Variants in DCX observed in about 807,000 individuals in gnomAD.
The protein encoded by DCX is neuronal migration protein doublecortin.
DCX carries 4 observed loss-of-function variants against 20.9 expected under a neutral mutation model. That is an observed-to-expected ratio of 0.19 (90% CI 0.09 to 0.44). The LOEUF is 0.44. DCX is among the 20% of genes least tolerant of loss of function. The probability of loss-of-function intolerance (pLI) is 0.99; values close to 1 mark genes in which losing one functional copy is unlikely to be tolerated. For missense variants in DCX, 133 were observed against 296.9 expected (o/e 0.45, Z 4.06); for synonymous variants, 103 against 111.4 (o/e 0.92, Z 0.47).
intron 3 of DCX, among the ~76,000 whole-genome samples, chrX:111,354,602 C>T (rs778043900): frequency 7.9e-4 from 88 of 112,009 alleles, no homozygotes; most frequent in African/African-American, 2.7e-3. Flanking sequence ...CATCCCACCT[C>T]CCACACAGAA....
chrX:111,358,354 G>C (rs927863252), intron 3 of DCX, among the ~76,000 whole-genome samples: 16 of 111,655 alleles, frequency 1.4e-4, no homozygotes, highest in Admixed American at 1.0e-3. Flanking sequence ...AGTTTATATA[G>C]GGAAAGATGA....
At chrX:111,405,006 C>T (rs902109851) in intron 2 of DCX, among the ~76,000 whole-genome samples, 6 of 112,074 alleles carry the variant, frequency 5.4e-5, no homozygotes, top group African/African-American at 1.9e-4. Context: ...GGCTTCACAG[C>T]CAAGCAGGGT....
At chrX:111,397,304 T>C (rs1471953555) in intron 3 of DCX, among the ~76,000 whole-genome samples, 2 of 111,600 alleles carry the variant, frequency 1.8e-5, no homozygotes, top group Non-Finnish European at 3.8e-5. Flanking sequence ...TAACAAATAG[T>C]CTTGACCATA....
intron 3 of DCX, among the ~76,000 whole-genome samples, chrX:111,391,090 C>T (rs1256722668): frequency 2.7e-5 from 3 of 111,270 alleles, no homozygotes; most frequent in Non-Finnish European, 5.7e-5. Flanking sequence ...TGTGCCCCCA[C>T]CCAAATTTCA....
chrX:111,320,141 G>C (rs1422480416), intron 5 of DCX, among the ~76,000 whole-genome samples: 1 of 112,187 alleles, frequency 8.9e-6, no homozygotes, highest in Admixed American at 9.5e-5. Flanking sequence ...AAATCCAAAA[G>C]TGGACATAGA....
chrX:111,308,069 A>C (rs1240333641), intron 6 of DCX, among the ~76,000 whole-genome samples: 1 of 112,206 alleles, frequency 8.9e-6, no homozygotes. Flanking sequence ...ATTTTCCTGT[A>C]TGGGTAGAAC....
chrX:111,357,682 T>C (rs892356056), intron 3 of DCX, among the ~76,000 whole-genome samples: 1 of 109,445 alleles, frequency 9.1e-6, no homozygotes, highest in Non-Finnish European at 1.9e-5. Context: ...CTCAGGTGGC[T>C]GAGGTGGGAG....
At chrX:111,377,373 A>G (rs1419882098) in intron 3 of DCX, among the ~76,000 whole-genome samples, 2 of 111,773 alleles carry the variant, frequency 1.8e-5, no homozygotes, top group East Asian at 5.7e-4. Context: ...ATTGTTACCT[A>G]GCAACCAGGC....
At chrX:111,344,196 T>C (rs1370490577) in intron 3 of DCX, among the ~76,000 whole-genome samples, 1 of 112,249 alleles carries the variant, frequency 8.9e-6, no homozygotes, top group Non-Finnish European at 1.9e-5. Flanking sequence ...CATTCCTTCA[T>C]GTTAAAATCT....
intron 5 of DCX, among the ~76,000 whole-genome samples, chrX:111,324,291 A>G (rs1003972879): frequency 1.8e-5 from 2 of 111,306 alleles, no homozygotes; most frequent in African/African-American, 3.3e-5. Flanking sequence ...ATCAATTTAC[A>G]TATAGCCCTT....
chrX:111,377,874 A>G (rs775074046), intron 3 of DCX, among the ~76,000 whole-genome samples: 2 of 110,759 alleles, frequency 1.8e-5, no homozygotes, highest in Non-Finnish European at 3.8e-5. Context: ...TTCATAATAT[A>G]ACTGTGGAAA....
At chrX:111,307,828 T>C (rs2095048925) in intron 6 of DCX, among the ~76,000 whole-genome samples, 1 of 110,844 alleles carries the variant, frequency 9.0e-6, no homozygotes, top group African/African-American at 3.3e-5. Context: ...TTCAGTGGAG[T>C]TGCTTGGTTG....
At chrX:111,313,987 G>A (rs748995782) in intron 5 of DCX, among the ~76,000 whole-genome samples, 4 of 111,057 alleles carry the variant, frequency 3.6e-5, no homozygotes, top group African/African-American at 1.3e-4. Flanking sequence ...TAGTGTTCCT[G>A]TCAGTCCCAT....
chrX:111,337,869 T>C (rs1921877939), intron 3 of DCX, among the ~76,000 whole-genome samples: 1 of 111,368 alleles, frequency 9.0e-6, no homozygotes, highest in African/African-American at 3.3e-5. Flanking sequence ...CTTCAAAGAG[T>C]TGACAACATA....
At chrX:111,365,493 C>T (rs979479433) in intron 3 of DCX, among the ~76,000 whole-genome samples, 3 of 109,928 alleles carry the variant, frequency 2.7e-5, no homozygotes, top group African/African-American at 9.9e-5. Flanking sequence ...TACAAAGAAT[C>T]CAATTGCACT....
chrX:111,378,473 C>T (rs1797334703), intron 3 of DCX, among the ~76,000 whole-genome samples: 1 of 111,800 alleles, frequency 8.9e-6, no homozygotes, highest in African/African-American at 3.3e-5. Flanking sequence ...CTGCAAAATA[C>T]TGGTTTATGG....
chrX:111,397,074 C>G (rs1047421857), intron 3 of DCX, among the ~76,000 whole-genome samples: 5 of 111,534 alleles, frequency 4.5e-5, no homozygotes, highest in Admixed American at 2.9e-4. Flanking sequence ...AAGAAATGAG[C>G]CATGTCTGCA....
At chrX:111,326,029 T>C (rs1168514808) in intron 5 of DCX, among the ~76,000 whole-genome samples, 1 of 111,588 alleles carries the variant, frequency 9.0e-6, no homozygotes, top group Non-Finnish European at 1.9e-5. Flanking sequence ...AGGTCTTTCA[T>C]GAACCCTGCT....
chrX:111,352,821 G>A (rs186036680), intron 3 of DCX, among the ~76,000 whole-genome samples: 2 of 99,431 alleles, frequency 2.0e-5, no homozygotes, highest in African/African-American at 7.6e-5. Context: ...AGTGAAAGCT[G>A]AGGCAGACAG....
Sources: allele counts gnomAD v4.1 joint callset (sites outside exome capture counted in the v4.1 genomes callset), GRCh38; gene constraint gnomAD v4.1.1; transcripts MANE v1.5; gene names NCBI Gene and HGNC (gene_info 2026-07-23, HGNC 2026-07-21).